The following GSG1L variants were observed in gnomAD, a reference collection of about 807,000 sequenced individuals.
The protein encoded by GSG1L is GSG1 like.
In GSG1L, 24 loss-of-function variants were observed where a neutral mutation model predicts 42.1. The observed-to-expected ratio is 0.57, with a 90% CI of 0.41 to 0.80. The LOEUF is 0.80. Among genes scored for constraint, GSG1L ranks in the 30% least tolerant of loss-of-function variants. The probability of loss-of-function intolerance (pLI) is 0.00; values close to 1 mark genes in which losing one functional copy is unlikely to be tolerated. For synonymous variants in GSG1L, 215 were observed against 203.5 expected, an observed-to-expected ratio of 1.06 and a Z score of -0.48; for missense variants, 445 against 472.2, an observed-to-expected ratio of 0.94 and a Z score of 0.53.
intron 1 of GSG1L, among the ~76,000 whole-genome samples, chr16:28,030,626 G>A (rs2085946405): frequency 6.6e-6 from 1 of 152,180 alleles, no homozygotes; most frequent in Admixed American, 6.5e-5. Context: ...TTTTGCTTGT[G>A]CTGGTTTGAG....
chr16:27,832,969 A>G (rs1596542499), intron 4 of GSG1L, among the ~76,000 whole-genome samples: 1 of 152,206 alleles, frequency 6.6e-6, no homozygotes. Context: ...TTTAGTTTTG[A>G]TGAATTACAT....
intron 2 of GSG1L, among the ~76,000 whole-genome samples, chr16:27,947,547 A>AAG (rs1237192447): frequency 1.4e-4 from 8 of 59,124 alleles, no homozygotes; most frequent in African/African-American, 5.5e-4. Context: ...GAAGGAAAGA[A>AAG]AGAAAGAAAG....
At chr16:27,806,795 C>T (rs1269733966) in intron 6 of GSG1L, among the ~76,000 whole-genome samples, 1 of 152,208 alleles carries the variant, frequency 6.6e-6, no homozygotes, top group Non-Finnish European at 1.5e-5. Context: ...GCAAGTTACT[C>T]CACCTCTCTG....
At chr16:27,874,750 GT>G (rs1024831834) in intron 3 of GSG1L, among the ~76,000 whole-genome samples, 15 of 152,134 alleles carry the variant, frequency 9.9e-5, no homozygotes, top group African/African-American at 3.6e-4. Context: ...CCTTTGTCTG[GT>G]CTTGATCTGT....
intron 2 of GSG1L, among the ~76,000 whole-genome samples, chr16:27,945,138 G>A (rs1474700543): frequency 6.6e-6 from 1 of 151,276 alleles, no homozygotes; most frequent in Non-Finnish European, 1.5e-5. Flanking sequence ...TGGGAGGATT[G>A]AGGGGTAAGT....
chr16:27,906,816 G>A (rs753743931), intron 2 of GSG1L, among the ~76,000 whole-genome samples: 9 of 152,034 alleles, frequency 5.9e-5, no homozygotes, highest in Non-Finnish European at 1.0e-4. Context: ...TCTGTGAAAC[G>A]GGCAGTCAGA....
rs577503350 is a variant in GSG1L at position 27,902,567 on chromosome 16, G to A, written c.398-17929C>T. Among the ~76,000 whole-genome samples the A allele has an allele frequency of 3.3e-5, 5 of 151,932 alleles. No homozygotes were observed. The South Asian group carries it at 8.3e-4, about 25-fold the overall frequency. On this transcript the variant is annotated intron_variant, in intron 2 of 6. Coordinates refer to ENST00000447459, the MANE Select transcript of GSG1L (RefSeq NM_001109763.2). The stretch of plus-strand genomic sequence containing the variant: ...AAGCTTCAGAGCAAGGGGAGGGAGA[G>A]GGGGGGCCGCTGGTGCAGGAGGCTT...
intron 1 of GSG1L, among the ~76,000 whole-genome samples, chr16:28,045,348 T>C (rs910334325): frequency 6.6e-6 from 1 of 152,168 alleles, no homozygotes; most frequent in Non-Finnish European, 1.5e-5. Context: ...CGATACTCCA[T>C]GCTCAATTTT....
chr16:27,873,682 G>T (rs957672573), intron 3 of GSG1L, among the ~76,000 whole-genome samples: 18 of 152,328 alleles, frequency 1.2e-4, no homozygotes, highest in African/African-American at 3.8e-4. Context: ...TGGGGGCTTA[G>T]AATTAAAATT....
intron 1 of GSG1L, among the ~76,000 whole-genome samples, chr16:27,963,936 G>T (rs180673283): frequency 6.6e-6 from 1 of 152,164 alleles, no homozygotes; most frequent in Non-Finnish European, 1.5e-5. Context: ...TGTACTGACC[G>T]CCAAGAACTG....
intron 1 of GSG1L, among the ~76,000 whole-genome samples, chr16:28,003,049 G>A (rs1488178466): frequency 6.6e-6 from 1 of 152,226 alleles, no homozygotes; most frequent in East Asian, 1.9e-4. Flanking sequence ...TTGGAGTGCT[G>A]GAGAAACAGC....
intron 1 of GSG1L, among the ~76,000 whole-genome samples, chr16:27,973,488 G>C (rs141877784): frequency 6.9e-6 from 1 of 144,844 alleles, no homozygotes; most frequent in Admixed American, 7.0e-5. Flanking sequence ...CTTAGGAGAT[G>C]GCTTTCGTTG....
At position 28,038,211 on chromosome 16, in the gene GSG1L, A is replaced by C. The variant is rs535657338; in HGVS notation, c.349+24865T>G. On this transcript the variant is annotated intron_variant, in intron 1 of 6. Coordinates refer to ENST00000447459, the MANE Select transcript of GSG1L (RefSeq NM_001109763.2). ...GGATGGTCTGTAACTCCTGGGCTCA[A>C]GTGATCCTCCCACCTCAGCCTCCCA... Among the ~76,000 whole-genome samples, 152 of 152,196 alleles carry C rather than the reference A, an allele frequency of 1.0e-3. 1 individual carries two copies. The highest frequency in any genetic ancestry group is 8.2e-4 in the Non-Finnish European group (56 of 68,042).
chr16:28,013,281 A>G (rs1343858566), intron 1 of GSG1L, among the ~76,000 whole-genome samples: 1 of 152,130 alleles, frequency 6.6e-6, no homozygotes, highest in East Asian at 1.9e-4. Flanking sequence ...GAGAGAGCCA[A>G]CCTAGTCTGG....
chr16:27,845,136 G>GCTGC (rs772317570), intron 3 of GSG1L, 75 bp from the exon 4 acceptor site: 3 of 961,176 alleles, frequency 3.1e-6, no homozygotes, highest in Non-Finnish European at 4.8e-6. Context: ...CAGCCTCTCT[G>GCTGC]CTGCCTGCCT....
intron 2 of GSG1L, among the ~76,000 whole-genome samples, chr16:27,885,953 T>C (rs2084022579): frequency 6.6e-6 from 1 of 152,214 alleles, no homozygotes; most frequent in African/African-American, 2.4e-5. Context: ...TTCCTACCCA[T>C]ATTATAATGA....
intron 3 of GSG1L, among the ~76,000 whole-genome samples, chr16:27,882,853 C>T: frequency 6.6e-6 from 1 of 152,140 alleles, no homozygotes; most frequent in East Asian, 1.9e-4. Context: ...CGCCTGTAAT[C>T]CCAGTGCTAT....
intron 2 of GSG1L, chr16:27,888,070 C>T: frequency 1.0e-6 from 1 of 984,412 alleles, no homozygotes; most frequent in South Asian, 4.7e-5. Context: ...CTCGGAGATG[C>T]TGATGCTCCT....
At chr16:27,847,550 G>A (rs1381951732) in intron 3 of GSG1L, among the ~76,000 whole-genome samples, 2 of 152,240 alleles carry the variant, frequency 1.3e-5, no homozygotes, top group Non-Finnish European at 2.9e-5. Flanking sequence ...GGAAAGCAGA[G>A]CCAGGAAAGT....
Sources: allele counts gnomAD v4.1 joint callset (sites outside exome capture counted in the v4.1 genomes callset), GRCh38; gene constraint gnomAD v4.1.1; transcripts MANE v1.5; gene names NCBI Gene and HGNC (gene_info 2026-07-23, HGNC 2026-07-21).